MAML3: variants seen among roughly 807,000 people sequenced by gnomAD.
MAML3 encodes the protein mastermind like transcriptional coactivator 3.
A neutral mutation model predicts 101.9 loss-of-function variants in MAML3; 27 were observed. That is an observed-to-expected ratio of 0.27 (90% CI 0.20 to 0.37). The LOEUF is 0.37. Among genes scored for constraint, MAML3 ranks in the 10% least tolerant of loss-of-function variants. The pLI, the probability that MAML3 is intolerant of heterozygous loss-of-function variation, is 1.00. For missense variants in MAML3, 1,316 were observed against 1,444.9 expected, an observed-to-expected ratio of 0.91 and a Z score of 1.45; for synonymous variants, 501 against 555.9, an observed-to-expected ratio of 0.90 and a Z score of 1.39.
chr4:140,137,388 G>C (rs749151698), intron 1 of MAML3, among the ~76,000 whole-genome samples: 1 of 152,102 alleles, frequency 6.6e-6, no homozygotes, highest in African/African-American at 2.4e-5. Flanking sequence ...TATGGTTGTG[G>C]GTTTTAACAT....
Position 139,890,279 on chromosome 4 carries a change from GA to G in MAML3, c.1156del (p.Ser386LeufsTer55). 6.2e-7 allele frequency: 1 copy of G among 1,613,952 alleles called. No homozygotes were observed. On this transcript the variant is annotated frameshift_variant, in exon 2 of 5. Transcript: ENST00000509479. LOFTEE classifies it high-confidence loss of function. The surrounding 1 kb of genome is among the most constrained non-coding windows in gnomAD (Gnocchi z 4.1). ...ARPSSSGPPF[S>X]TVSTATSLPS... ...TAAACTAGTGGCCGTGGAGACAGTA[GA>G]AAAGGGAGGACCAGAAGAAGAAGGC...
intron 1 of MAML3, among the ~76,000 whole-genome samples, chr4:139,903,017 A>T (rs564989639): frequency 1.1e-4 from 17 of 152,278 alleles, no homozygotes; most frequent in African/African-American, 4.1e-4. Context: ...ACAGGAAGAA[A>T]ACCTTCCGAT....
intron 4 of MAML3, among the ~76,000 whole-genome samples, chr4:139,720,560 A>C (rs1728194306): frequency 6.6e-6 from 1 of 152,260 alleles, no homozygotes; most frequent in Non-Finnish European, 1.5e-5. Context: ...AAATCCCACT[A>C]TCCAGAGATG....
At chr4:139,770,596 C>A (rs1729956042) in intron 2 of MAML3, among the ~76,000 whole-genome samples, 1 of 152,154 alleles carries the variant, frequency 6.6e-6, no homozygotes, top group Non-Finnish European at 1.5e-5. Flanking sequence ...GAGGCAGGCG[C>A]TCAGTTGGAA....
chr4:139,873,006 C>T (rs1300740391), intron 2 of MAML3, among the ~76,000 whole-genome samples: 1 of 152,056 alleles, frequency 6.6e-6, no homozygotes, highest in Non-Finnish European at 1.5e-5. Context: ...TGCTTGAACC[C>T]AGAAGGTAGA....
chr4:139,738,920 T>G (rs965384719), intron 2 of MAML3, among the ~76,000 whole-genome samples: 3 of 152,216 alleles, frequency 2.0e-5, no homozygotes, highest in African/African-American at 7.2e-5. Context: ...GATTCTTAAC[T>G]AAGTAACATG....
At chr4:139,956,751 A>C (rs983921981) in intron 1 of MAML3, among the ~76,000 whole-genome samples, 2 of 152,144 alleles carry the variant, frequency 1.3e-5, no homozygotes, top group African/African-American at 4.8e-5. Flanking sequence ...ATTTCTCCAC[A>C]CAGGAAAGGA....
At chr4:139,999,911 T>C (rs2110842107) in intron 1 of MAML3, among the ~76,000 whole-genome samples, 1 of 152,344 alleles carries the variant, frequency 6.6e-6, no homozygotes, top group South Asian at 2.1e-4. Context: ...GATTACCAGG[T>C]ACATTTGGGG....
intron 1 of MAML3, among the ~76,000 whole-genome samples, chr4:140,128,749 A>G (rs1044074046): frequency 1.3e-5 from 2 of 152,136 alleles, no homozygotes; most frequent in African/African-American, 2.4e-5. Context: ...CTTCACAACA[A>G]CCATCGCTAG....
intron 2 of MAML3, among the ~76,000 whole-genome samples, chr4:139,779,653 GAGGAC>G (rs2111077840): frequency 6.6e-6 from 1 of 152,352 alleles, no homozygotes; most frequent in South Asian, 2.1e-4. Context: ...CATAGGATAG[GAGGAC>G]AGACCGGAAC....
At position 139,741,321 on chromosome 4, in the gene MAML3, C is replaced by T. The variant is rs538279494; in HGVS notation, c.2080-10654G>A. Among the ~76,000 whole-genome samples, 3 of 152,298 alleles carry T rather than the reference C, an allele frequency of 2.0e-5. No homozygotes were observed. In the East Asian group the frequency reaches 5.8e-4, roughly 29 times the overall value. ...GCCTATGGGGGATCAGGGCATAAGA[C>T]CACCTGACCCTGGGCCTTGCATCCA... On this transcript the variant is annotated intron_variant, in intron 2 of 4. Coordinates refer to ENST00000509479, the MANE Select transcript of MAML3 (RefSeq NM_018717.5).
chr4:140,076,382 A>G (rs903132214), intron 1 of MAML3, among the ~76,000 whole-genome samples: 7 of 152,184 alleles, frequency 4.6e-5, no homozygotes, highest in African/African-American at 1.4e-4. Flanking sequence ...CAAGAGCAAT[A>G]AAGCTCAGGC....
At chr4:140,126,255 C>A (rs1317974103) in intron 1 of MAML3, among the ~76,000 whole-genome samples, 3 of 151,834 alleles carry the variant, frequency 2.0e-5, no homozygotes, top group African/African-American at 7.3e-5. Context: ...TTGAAAGGGG[C>A]CCCTCTTAAA....
intron 1 of MAML3, among the ~76,000 whole-genome samples, chr4:139,952,010 A>T (rs1279948240): frequency 6.6e-6 from 1 of 152,124 alleles, no homozygotes; most frequent in Non-Finnish European, 1.5e-5. Context: ...CTAAAAATAC[A>T]AAAAATTAGC....
intron 2 of MAML3, among the ~76,000 whole-genome samples, chr4:139,767,316 C>T (rs1729881445): frequency 6.6e-6 from 1 of 152,218 alleles, no homozygotes; most frequent in South Asian, 2.1e-4. Context: ...GTGAGGGCCA[C>T]ATACCAAACC....
chr4:140,107,127 TC>T (rs1183667488), intron 1 of MAML3, among the ~76,000 whole-genome samples: 3 of 152,114 alleles, frequency 2.0e-5, no homozygotes, highest in African/African-American at 7.2e-5. Context: ...CACCTCAGCC[TC>T]CCAAAGTGCT....
chr4:140,106,059 G>A (rs534127600), intron 1 of MAML3, among the ~76,000 whole-genome samples: 82 of 126,540 alleles, frequency 6.5e-4, no homozygotes, highest in African/African-American at 2.0e-3. Context: ...ATCCCAAAAC[G>A]AAGGAATCAC....
At chr4:139,870,298 C>A (rs930924768) in intron 2 of MAML3, among the ~76,000 whole-genome samples, 1 of 152,088 alleles carries the variant, frequency 6.6e-6, no homozygotes, top group African/African-American at 2.4e-5. Flanking sequence ...GTTCCCCTCA[C>A]CCCACCCTAC....
At chr4:139,901,946 C>A (rs1179484577) in intron 1 of MAML3, among the ~76,000 whole-genome samples, 4 of 152,162 alleles carry the variant, frequency 2.6e-5, no homozygotes, top group Non-Finnish European at 5.9e-5. Context: ...GCACTGAAGT[C>A]GTGCACCAGC....
Sources: allele counts gnomAD v4.1 joint callset (sites outside exome capture counted in the v4.1 genomes callset), GRCh38; gene constraint gnomAD v4.1.1; non-coding constraint Gnocchi (gnomAD v3.1); transcripts MANE v1.5; gene names NCBI Gene and HGNC (gene_info 2026-07-23, HGNC 2026-07-21).